EFL1: variants seen among roughly 807,000 people sequenced by gnomAD.
EFL1 encodes elongation factor-like GTPase 1.
In EFL1, 76 loss-of-function variants were observed where a neutral mutation model predicts 126.7. The observed-to-expected ratio is 0.60, with a 90% CI of 0.50 to 0.73. The LOEUF is 0.73. Ranked by LOEUF, EFL1 falls within the 30% of genes least tolerant of loss-of-function variation. The probability of loss-of-function intolerance (pLI) is 0.00; values close to 1 mark genes in which losing one functional copy is unlikely to be tolerated. For missense variants in EFL1, 1,128 were observed against 1,343.2 expected, an observed-to-expected ratio of 0.84 and a Z score of 2.50; for synonymous variants, 410 against 448.4, an observed-to-expected ratio of 0.91 and a Z score of 1.08.
intron 15 of EFL1, among the ~76,000 whole-genome samples, chr15:82,182,496 G>C (rs1020722336): frequency 3.9e-5 from 6 of 152,064 alleles, no homozygotes; most frequent in Non-Finnish European, 5.9e-5. Flanking sequence ...GAAACGACAG[G>C]TTGGGCCAAA....
At chr15:82,183,280 T>C (rs945686057) in intron 15 of EFL1, among the ~76,000 whole-genome samples, 7 of 152,256 alleles carry the variant, frequency 4.6e-5, no homozygotes, top group Non-Finnish European at 7.3e-5. Flanking sequence ...AAACAAAGCA[T>C]TGCATATTTC....
intron 19 of EFL1, among the ~76,000 whole-genome samples, chr15:82,132,390 G>A (rs996826081): frequency 5.3e-5 from 8 of 152,118 alleles, no homozygotes; most frequent in Non-Finnish European, 8.8e-5. Context: ...TCTTTATCTA[G>A]TTAAATAAAC....
At chr15:82,258,420 G>A (rs183931027) in intron 3 of EFL1, among the ~76,000 whole-genome samples, 1 of 152,176 alleles carries the variant, frequency 6.6e-6, no homozygotes, top group Admixed American at 6.5e-5. Flanking sequence ...GTGTGGTGGT[G>A]TGCACCTGTA....
chr15:82,245,915 A>G (rs1596007179), intron 4 of EFL1, among the ~76,000 whole-genome samples: 1 of 150,826 alleles, frequency 6.6e-6, no homozygotes, highest in Admixed American at 6.6e-5. Context: ...CCTGGGTGAT[A>G]GAATGAGACT....
chr15:82,235,274 A>C (rs2141320860), intron 7 of EFL1, among the ~76,000 whole-genome samples: 1 of 152,308 alleles, frequency 6.6e-6, no homozygotes, highest in East Asian at 1.9e-4. Context: ...AAATAAAGTG[A>C]GTAACTCAAT....
At chr15:82,217,695 C>T (rs1265423338) in intron 14 of EFL1, among the ~76,000 whole-genome samples, 3 of 152,162 alleles carry the variant, frequency 2.0e-5, no homozygotes, top group Non-Finnish European at 4.4e-5. Flanking sequence ...AGTGCCCCTC[C>T]CATGATGCCT....
intron 3 of EFL1, among the ~76,000 whole-genome samples, chr15:82,253,700 T>C (rs2075043822): frequency 6.6e-6 from 1 of 152,198 alleles, no homozygotes; most frequent in Non-Finnish European, 1.5e-5. Context: ...ATACATCTTT[T>C]TTAAAAAAAG....
intron 15 of EFL1, among the ~76,000 whole-genome samples, chr15:82,192,573 C>G (rs2074370203): frequency 1.3e-5 from 2 of 152,298 alleles, no homozygotes; most frequent in South Asian, 2.1e-4. Context: ...TCATAGCTCA[C>G]TGCTTTATGC....
intron 3 of EFL1, among the ~76,000 whole-genome samples, chr15:82,254,301 C>G (rs34317593): frequency 0.1 from 15,629 of 152,138 alleles, 1,169 homozygotes; most frequent in East Asian, 0.35. Flanking sequence ...TGCTGGTTTC[C>G]CTTCACCTCT....
intron 18 of EFL1, among the ~76,000 whole-genome samples, chr15:82,147,071 G>A (rs1219091429): frequency 6.6e-6 from 1 of 152,104 alleles, no homozygotes; most frequent in Admixed American, 6.5e-5. Flanking sequence ...AATGAACACA[G>A]AGGGGTGACT....
intron 15 of EFL1, among the ~76,000 whole-genome samples, chr15:82,189,195 C>T (rs1280785889): frequency 6.6e-6 from 1 of 152,100 alleles, no homozygotes; most frequent in Non-Finnish European, 1.5e-5. Context: ...TGTATCTAAA[C>T]ACAGAAAAGT....
At chr15:82,146,753 A>C (rs967239527) in intron 18 of EFL1, among the ~76,000 whole-genome samples, 18 of 152,296 alleles carry the variant, frequency 1.2e-4, no homozygotes, top group African/African-American at 3.9e-4. Context: ...ACCCACATAC[A>C]CACAGTTGCC....
chr15:82,163,825 T>C, intron 16 of EFL1, 28 bp downstream of exon 16: 1 of 1,611,446 alleles, frequency 6.2e-7, no homozygotes, highest in Non-Finnish European at 8.5e-7. Flanking sequence ...ATAATAAACA[T>C]ATGCTTTTAA....
chr15:82,167,895 C>T (rs746946841), intron 15 of EFL1, among the ~76,000 whole-genome samples: 4 of 152,204 alleles, frequency 2.6e-5, no homozygotes, highest in Non-Finnish European at 4.4e-5. Flanking sequence ...CTTTAACATT[C>T]TTCACCCAAG....
In EFL1 at chr15:82,261,620, T is replaced by TC. The variant is rs2075119574; in HGVS notation, c.91+67dup. Reference sequence around the variant, plus strand: ...CACTCTCAGCTGTCCACAGCTTCACTCCACTGAGACATACAGAGACACATC... The same window carrying TC: ...CACTCTCAGCTGTCCACAGCTTCACTCCCACTGAGACATACAGAGACACATC... On this transcript the variant is annotated intron_variant, in intron 2 of 19. Transcript: ENST00000268206. 4.2e-6 allele frequency: 6 copies of TC among 1,435,902 alleles called. No individual in the cohort carries two copies. In the Middle Eastern group the frequency reaches 7.1e-4, roughly 169 times the overall value. 88.9% of individuals were successfully genotyped at this position (1,435,902 alleles called of 1,614,324 possible).
chr15:82,161,716 C>T (rs1373326626), intron 16 of EFL1, among the ~76,000 whole-genome samples: 1 of 152,176 alleles, frequency 6.6e-6, no homozygotes, highest in Non-Finnish European at 1.5e-5. Flanking sequence ...TGAGGAAGTA[C>T]ACTTTGGCCT....
chr15:82,180,247 A>G (rs1423328065), intron 15 of EFL1, among the ~76,000 whole-genome samples: 2 of 152,080 alleles, frequency 1.3e-5, no homozygotes, highest in Admixed American at 1.3e-4. Flanking sequence ...GATACTCACC[A>G]GAATTGCTAT....
intron 7 of EFL1, among the ~76,000 whole-genome samples, chr15:82,234,258 A>T (rs1302686608): frequency 6.6e-6 from 1 of 152,190 alleles, no homozygotes; most frequent in African/African-American, 2.4e-5. Flanking sequence ...CAAATCAGGA[A>T]ATCAACAAGT....
At chr15:82,195,750 G>GTCAT (rs1188969094) in intron 15 of EFL1, among the ~76,000 whole-genome samples, 8 of 152,154 alleles carry the variant, frequency 5.3e-5, no homozygotes, top group African/African-American at 1.9e-4. Flanking sequence ...GGAGCACACA[G>GTCAT]TCATTCATTT....
Sources: allele counts gnomAD v4.1 joint callset (sites outside exome capture counted in the v4.1 genomes callset), GRCh38; gene constraint gnomAD v4.1.1; transcripts MANE v1.5; gene names NCBI Gene and HGNC (gene_info 2026-07-23, HGNC 2026-07-21).